The following ASIC2 variants were observed in gnomAD, a reference collection of about 807,000 sequenced individuals.
ASIC2 encodes acid-sensing ion channel 2.
In ASIC2, 25 loss-of-function variants were observed where a neutral mutation model predicts 57.3. That is an observed-to-expected ratio of 0.44 (90% CI 0.32 to 0.61). The LOEUF is 0.61. ASIC2 is among the 20% of genes least tolerant of loss of function. The pLI is 0.06. For missense variants in ASIC2, 641 were observed against 738.1 expected, an observed-to-expected ratio of 0.87 and a Z score of 1.52; for synonymous variants, 319 against 307.5, an observed-to-expected ratio of 1.04 and a Z score of -0.39.
rs1015064223 is a variant in ASIC2, at chr17:33,553,704, T to C, written c.556-441637A>G. Reference sequence around the variant, plus strand: ...TCCATGTGCCAGGCATGGTACTATGTGCTTTCCATCTTTAACCCAATTCAT... The same window carrying C: ...TCCATGTGCCAGGCATGGTACTATGCGCTTTCCATCTTTAACCCAATTCAT... On this transcript the variant is annotated intron_variant, in intron 1 of 9. Coordinates refer to the ASIC2 transcript ENST00000359872. Among the ~76,000 whole-genome samples, 3 of 152,316 alleles carry C rather than the reference T, an allele frequency of 2.0e-5. No individual in the cohort carries two copies. In the East Asian group the frequency reaches 5.8e-4, roughly 29 times the overall value.
chr17:33,443,715 C>A (rs4530183), intron 1 of ASIC2, among the ~76,000 whole-genome samples: 1 of 151,478 alleles, frequency 6.6e-6, no homozygotes, highest in South Asian at 2.1e-4. Flanking sequence ...CGCGCCCGGC[C>A]GGAGGGTAAG....
intron 1 of ASIC2, among the ~76,000 whole-genome samples, chr17:33,590,382 C>T (rs1325198464): frequency 1.3e-5 from 2 of 152,142 alleles, no homozygotes; most frequent in African/African-American, 4.8e-5. Flanking sequence ...CCAGTGACCT[C>T]TCCTGGCCTG....
At chr17:33,664,719 T>C (rs1907414076) in intron 1 of ASIC2, among the ~76,000 whole-genome samples, 1 of 152,168 alleles carries the variant, frequency 6.6e-6, no homozygotes, top group Non-Finnish European at 1.5e-5. Context: ...AGATACATTG[T>C]GATGGACTCA....
rs527734745 is a variant in ASIC2, at chr17:33,284,412, T to C, written c.708+6996A>G. On this transcript the variant is annotated intron_variant, in intron 1 of 9. Transcript: ENST00000225823. Reference sequence around the variant, plus strand: ...CAACTCCTAGGCAGATTCTCCTCCATAGATCTACTTCTCTTCTGTTTGTCT... The same window carrying C: ...CAACTCCTAGGCAGATTCTCCTCCACAGATCTACTTCTCTTCTGTTTGTCT... 3.3e-5 allele frequency among the ~76,000 whole-genome samples: 5 copies of C among 152,312 alleles called. No homozygotes were observed. The East Asian group carries it at 9.7e-4, about 29-fold the overall frequency.
At chr17:33,260,931 C>T (rs1462414216) in intron 1 of ASIC2, among the ~76,000 whole-genome samples, 1 of 152,208 alleles carries the variant, frequency 6.6e-6, no homozygotes, top group Non-Finnish European at 1.5e-5. Flanking sequence ...GATTGCTCTT[C>T]GATAGGAACC....
chr17:34,049,519 T>A (rs557766471), intron 1 of ASIC2, among the ~76,000 whole-genome samples: 4 of 152,120 alleles, frequency 2.6e-5, no homozygotes, highest in African/African-American at 4.8e-5. Context: ...CTTCCACCTC[T>A]CCTTGGCTCC....
intron 1 of ASIC2, among the ~76,000 whole-genome samples, chr17:33,142,185 G>A (rs915830640): frequency 3.3e-5 from 5 of 152,158 alleles, no homozygotes; most frequent in African/African-American, 9.7e-5. Context: ...TAAACGAATG[G>A]CAAGGTTTAT....
At chr17:34,118,547 G>A (rs933132341) in intron 1 of ASIC2, 1 of 152,186 alleles carries the variant, frequency 6.6e-6, no homozygotes, top group South Asian at 2.1e-4. Context: ...CACGTTCTTG[G>A]CCACTATCAG....
At chr17:33,057,786 T>G (rs1282244365) in intron 3 of ASIC2, among the ~76,000 whole-genome samples, 2 of 152,164 alleles carry the variant, frequency 1.3e-5, no homozygotes, top group Non-Finnish European at 2.9e-5. Flanking sequence ...AGATCCTCAG[T>G]GGTTAAGTCA....
In ASIC2 at chr17:33,291,999, C is replaced by G. The variant is rs1052408970; in HGVS notation, c.117G>C (p.Gly39=). The part of the protein sequence containing the change: ...PAALAAAGQP[G]GGRGGERALQ... ...GCGCCCGCTCGCCGCCTCTGCCGCC[C>G]CCGGGCTGCCCGGCAGCCGCCAACG... The change falls in exon 1 of 10, where the codon GGG becomes GGC. Residue 39 remains glycine, a synonymous_variant. Coordinates refer to ENST00000225823, the MANE Select transcript of ASIC2 (RefSeq NM_183377.2). 8.1e-7 allele frequency: 1 copy of G among 1,240,628 alleles called. No homozygotes were observed. Among genetic ancestry groups the G allele is most frequent in the Non-Finnish European group, 1.0e-6 (1 of 998,732 alleles). The allele number at this position is 1,240,628 out of a possible 1,614,324, so 76.9% of individuals were successfully genotyped here. A position where few individuals can be genotyped will look rare whatever the true frequency, so the allele number is the denominator to read the frequency against.
intron 1 of ASIC2, among the ~76,000 whole-genome samples, chr17:33,277,257 C>CA (rs1338238872): frequency 6.6e-6 from 1 of 152,172 alleles, no homozygotes; most frequent in Non-Finnish European, 1.5e-5. Context: ...TGGGAGGTGA[C>CA]ACTGACTTTG....
Position 33,291,924 on chromosome 17 carries a change from A to T in ASIC2, c.192T>A (p.Ala64=), listed in dbSNP as rs749497896. 3 of 1,572,454 alleles carry T rather than the reference A, an allele frequency of 1.9e-6. No individual in the cohort carries two copies. The highest frequency in any genetic ancestry group is 1.7e-6 in the Non-Finnish European group (2 of 1,166,498). ...ACATGTGCCGCAGCCCGTGCAGTTT[A>T]GCGCGGCTCAGCGATGGCCGCCCCC... is the stretch of plus-strand genomic sequence containing the variant. The part of the protein sequence containing the change: ...ARRGRPSLSR[A]KLHGLRHMCA... The change falls in exon 1 of 10, where the codon GCT becomes GCA. Residue 64 remains alanine, a synonymous_variant. Coordinates refer to ENST00000225823, the MANE Select transcript of ASIC2 (RefSeq NM_183377.2).
At chr17:33,452,998 G>A (rs1385452029) in intron 1 of ASIC2, among the ~76,000 whole-genome samples, 4 of 152,102 alleles carry the variant, frequency 2.6e-5, no homozygotes, top group African/African-American at 9.7e-5. Context: ...TTTCCGCACA[G>A]GCACTGAGAT....
chr17:33,934,850 C>G (rs771062018), intron 1 of ASIC2, among the ~76,000 whole-genome samples: 3 of 152,344 alleles, frequency 2.0e-5, no homozygotes, highest in Non-Finnish European at 2.9e-5. Flanking sequence ...GTCCCTCCCC[C>G]TCAAGCTTTC....
chr17:33,664,431 C>A (rs1476209217), intron 1 of ASIC2, among the ~76,000 whole-genome samples: 2 of 152,190 alleles, frequency 1.3e-5, no homozygotes, highest in Non-Finnish European at 2.9e-5. Flanking sequence ...CAATATGCCC[C>A]ACTCTGCAGT....
intron 1 of ASIC2, among the ~76,000 whole-genome samples, chr17:33,370,052 T>A (rs111364806): frequency 6.6e-6 from 1 of 152,190 alleles, no homozygotes; most frequent in Non-Finnish European, 1.5e-5. Context: ...CAACCAATGA[T>A]GTGGCTGAGA....
chr17:34,103,191 G>A (rs1490473234), intron 1 of ASIC2, among the ~76,000 whole-genome samples: 1 of 152,136 alleles, frequency 6.6e-6, no homozygotes, highest in African/African-American at 2.4e-5. Flanking sequence ...AGTCACCCAG[G>A]TTGAAATGCC....
intron 1 of ASIC2, among the ~76,000 whole-genome samples, chr17:33,847,371 C>T (rs1409590853): frequency 1.3e-5 from 2 of 152,052 alleles, no homozygotes; most frequent in African/African-American, 4.8e-5. Context: ...AAGAGTCAAT[C>T]CTGGGGAACA....
chr17:34,070,975 C>T (rs999689187), intron 1 of ASIC2: 6 of 152,246 alleles, frequency 3.9e-5, no homozygotes, highest in Admixed American at 1.3e-4. Context: ...AAACATGCCC[C>T]TCTAATTCCA....
Sources: gnomAD v4.1 joint callset for allele counts (sites outside exome capture counted in the v4.1 genomes callset) on GRCh38, gnomAD v4.1.1 for gene constraint, MANE v1.5 for transcripts, NCBI Gene and HGNC (gene_info 2026-07-23, HGNC 2026-07-21) for gene names.